The following RGPD3 variants were observed in gnomAD, a reference collection of about 807,000 sequenced individuals.
RGPD3 encodes the protein ranBP2-like and GRIP domain-containing protein 3.
Under a neutral mutation model 154.5 loss-of-function variants are expected in RGPD3, and 62 were observed. The ratio of observed to expected loss-of-function variants is 0.40; its 90% CI spans 0.33 to 0.50. The LOEUF is 0.50. Ranked by LOEUF, RGPD3 falls within the 20% of genes least tolerant of loss-of-function variation. The probability of loss-of-function intolerance (pLI) is 0.59; values close to 1 mark genes in which losing one functional copy is unlikely to be tolerated. For synonymous variants in RGPD3, 308 were observed against 607.0 expected, an observed-to-expected ratio of 0.51 and a Z score of 7.24; for missense variants, 919 against 1,716.8, an observed-to-expected ratio of 0.54 and a Z score of 8.21.
chr2:106,449,335 G>A (rs1678036744), intron 6 of RGPD3, among the ~76,000 whole-genome samples: 1 of 147,038 alleles, frequency 6.8e-6, no homozygotes. Context: ...GCGTGGTGGT[G>A]GGCACCTGTA....
chr2:106,422,885 A>G lies in RGPD3; in HGVS notation c.4924+158T>C, dbSNP rs142857832. Among the ~76,000 whole-genome samples the G allele has an allele frequency of 9.2e-4, 140 of 152,298 alleles. 2 individuals carry two copies. In the South Asian group the frequency reaches 0.028, roughly 30 times the overall value. On this transcript the variant is annotated intron_variant, in intron 20 of 22. Transcript: ENST00000409886. Reference sequence around the variant, plus strand: ...TTCTCTTGCTCTTTGAAACCTCACCATGAACTTATTAAGGGAGAAAAAAAT... The same window carrying G: ...TTCTCTTGCTCTTTGAAACCTCACCGTGAACTTATTAAGGGAGAAAAAAAT...
chr2:106,415,199 G>C (rs1448450816), intron 21 of RGPD3, among the ~76,000 whole-genome samples: 2 of 150,386 alleles, frequency 1.3e-5, no homozygotes, highest in Admixed American at 6.6e-5. Flanking sequence ...TAGTAGTTCA[G>C]TACTATAAAT....
At chr2:106,460,255 C>CT (rs775182167) in intron 1 of RGPD3, among the ~76,000 whole-genome samples, 57 of 145,394 alleles carry the variant, frequency 3.9e-4, no homozygotes, top group Admixed American at 1.0e-3. Flanking sequence ...TGGTACCACT[C>CT]TCTCACTTAA....
chr2:106,420,187 T>C (rs976301429), intron 20 of RGPD3, among the ~76,000 whole-genome samples: 2 of 138,878 alleles, frequency 1.4e-5, no homozygotes, highest in African/African-American at 5.4e-5. Context: ...GGAAGGTGAC[T>C]AGAGTTGCAT....
chr2:106,407,391 G>A (rs1239661304), intron 22 of RGPD3, among the ~76,000 whole-genome samples: 2 of 152,054 alleles, frequency 1.3e-5, no homozygotes, highest in Admixed American at 6.5e-5. Context: ...AGGCAATGAG[G>A]GCAAAGAACT....
chr2:106,437,619 T>G (rs979699182), intron 9 of RGPD3, among the ~76,000 whole-genome samples: 3 of 152,230 alleles, frequency 2.0e-5, no homozygotes, highest in Non-Finnish European at 1.5e-5. Context: ...GATGTTCATG[T>G]CCTTTGTCTC....
At position 106,423,956 on chromosome 2, in the gene RGPD3, A is replaced by G. The variant is rs1228543939; in HGVS notation, c.4011T>C (p.Pro1337=). ...EEERDGQYFE[P]VVPLPDLVEV... Reference sequence around the variant, plus strand: ...CAACTAGATCAGGTAAAGGAACAACAGGTTCAAAGTACTGTCCATCTCTCT... The same window carrying G: ...CAACTAGATCAGGTAAAGGAACAACGGGTTCAAAGTACTGTCCATCTCTCT... The change falls in exon 20 of 23, where the codon CCT becomes CCC. Residue 1337 remains proline (P), a synonymous_variant. Coordinates refer to ENST00000409886, the MANE Select transcript of RGPD3 (RefSeq NM_001144013.2). 1 of 1,611,832 alleles carries G rather than the reference A, an allele frequency of 6.2e-7. No homozygotes were observed. The highest frequency in any genetic ancestry group is 2.2e-5 in the East Asian group (1 of 44,856).
chr2:106,430,056 T>G (rs1053727742), intron 17 of RGPD3, among the ~76,000 whole-genome samples: 3 of 151,200 alleles, frequency 2.0e-5, no homozygotes, highest in Non-Finnish European at 2.9e-5. Flanking sequence ...GCTAATTTTT[T>G]GTATAATAGT....
chr2:106,455,159 C>T (rs1428821756), intron 4 of RGPD3, among the ~76,000 whole-genome samples: 3 of 152,194 alleles, frequency 2.0e-5, no homozygotes, highest in Non-Finnish European at 4.4e-5. Context: ...CAGAGCAAGA[C>T]TCTGTCTCAA....
At chr2:106,407,449 G>A (rs952888292) in intron 22 of RGPD3, among the ~76,000 whole-genome samples, 21 of 151,980 alleles carry the variant, frequency 1.4e-4, no homozygotes, top group Non-Finnish European at 2.5e-4. Flanking sequence ...GAAAGTAGAA[G>A]GAAGCGATAT....
At chr2:106,412,475 A>G (rs1573240006) in intron 22 of RGPD3, among the ~76,000 whole-genome samples, 2 of 151,522 alleles carry the variant, frequency 1.3e-5, no homozygotes, top group African/African-American at 2.4e-5. Context: ...ACGTCCAGCT[A>G]ATTTTTGTAT....
upstream of RGPD3, among the ~76,000 whole-genome samples, chr2:106,470,270 A>C (rs1449105058): frequency 1.3e-5 from 2 of 152,262 alleles, no homozygotes; most frequent in South Asian, 2.1e-4. Flanking sequence ...TAGGAGATGA[A>C]GATACAAATA....
chr2:106,470,052 TA>T (rs1046742883), upstream of RGPD3, among the ~76,000 whole-genome samples: 2 of 150,946 alleles, frequency 1.3e-5, no homozygotes, highest in South Asian at 2.1e-4. Context: ...ATCTCATTTG[TA>T]AAAAAAAAGA....
Position 106,405,144 on chromosome 2 carries a change from A to G in RGPD3, c.*75T>C, listed in dbSNP as rs1676467273. The stretch of plus-strand genomic sequence containing the variant: ...TAGATTTTATTTGGTTAATAAAAAC[A>G]TTCCTTCCATCAACCTATCGAAGTC... On this transcript the variant is annotated 3_prime_UTR_variant, in exon 23 of 23. Transcript: ENST00000409886. 6.3e-7 allele frequency: 1 copy of G among 1,595,822 alleles called. No homozygotes were observed. Among genetic ancestry groups the G allele is most frequent in the Non-Finnish European group, 8.5e-7 (1 of 1,171,154 alleles).
chr2:106,410,002 A>T (rs1333902786), intron 22 of RGPD3, among the ~76,000 whole-genome samples: 14 of 150,602 alleles, frequency 9.3e-5, no homozygotes, highest in Non-Finnish European at 1.6e-4. Flanking sequence ...CAGCCTCCCA[A>T]GTAGCTGGGA....
intron 1 of RGPD3, among the ~76,000 whole-genome samples, chr2:106,461,967 C>CGGT (rs1678419238): frequency 2.0e-5 from 3 of 151,670 alleles, no homozygotes; most frequent in African/African-American, 7.3e-5. Flanking sequence ...GGCTGGAGTG[C>CGGT]GGTGGCTCGA....
At position 106,413,144 on chromosome 2, in the gene RGPD3, T is replaced by C. The variant is rs931921062; in HGVS notation, c.5206A>G (p.Ile1736Val). Residue 1736 changes from isoleucine to valine, a missense_variant, in exon 22 of 23, where the codon ATA (isoleucine) becomes GTA (valine). Coordinates refer to ENST00000409886, the MANE Select transcript of RGPD3 (RefSeq NM_001144013.2). The stretch of plus-strand genomic sequence containing the variant: ...AGGCTGAGCTGCAACATCGTATTTA[T>C]AACAGGAAGAAGTCTCTCTCTTTCA... ...GSERERLLPVINTMLQLSLEE... is the reference protein window; with the variant it reads ...GSERERLLPVVNTMLQLSLEE... 5 of 1,611,476 alleles carry C rather than the reference T, an allele frequency of 3.1e-6. No homozygotes were observed. The highest frequency in any genetic ancestry group is 4.2e-6 in the Non-Finnish European group (5 of 1,179,766).
At chr2:106,427,007 T>C (rs2104463391) in intron 18 of RGPD3, among the ~76,000 whole-genome samples, 1 of 150,874 alleles carries the variant, frequency 6.6e-6, no homozygotes, top group South Asian at 2.1e-4. Context: ...GGCCCAAGAA[T>C]CTTAAAGTCT....
At chr2:106,468,141 C>G (rs1191500284) in intron 1 of RGPD3, 76 bp downstream of exon 1, 36 of 1,516,518 alleles carry the variant, frequency 2.4e-5, no homozygotes, top group Admixed American at 6.2e-5. Context: ...CCTGAGCCAT[C>G]GAGGCCGCCG....
Sources: gnomAD v4.1 joint callset for allele counts (sites outside exome capture counted in the v4.1 genomes callset) on GRCh38, gnomAD v4.1.1 for gene constraint, MANE v1.5 for transcripts, NCBI Gene and HGNC (gene_info 2026-07-23, HGNC 2026-07-21) for gene names.